The following ALDH1A2 variants were observed in gnomAD, a reference collection of about 807,000 sequenced individuals.
ALDH1A2 encodes retinal dehydrogenase 2.
ALDH1A2 carries 27 observed loss-of-function variants against 60.3 expected under a neutral mutation model. The observed-to-expected ratio is 0.45, with a 90% confidence interval of 0.33 to 0.62. The LOEUF (loss-of-function observed/expected upper bound fraction) is 0.62. Among genes scored for constraint, ALDH1A2 ranks in the 20% least tolerant of loss-of-function variants. ALDH1A2 has a pLI of 0.02. For missense variants in ALDH1A2, 581 were observed against 643.8 expected, an observed-to-expected ratio of 0.90 and a Z score of 1.06; for synonymous variants, 289 against 232.4, an observed-to-expected ratio of 1.24 and a Z score of -2.21.
At chr15:58,059,773 A>T (rs1446854162) in intron 1 of ALDH1A2, among the ~76,000 whole-genome samples, 1 of 152,236 alleles carries the variant, frequency 6.6e-6, no homozygotes, top group African/African-American at 2.4e-5. Flanking sequence ...CCCTCCCAGG[A>T]ATCCCATTTG....
intron 1 of ALDH1A2, among the ~76,000 whole-genome samples, chr15:58,016,776 C>G (rs545808972): frequency 6.6e-6 from 1 of 152,018 alleles, no homozygotes; most frequent in South Asian, 2.1e-4. Context: ...AAAAAAATTA[C>G]GAAATTGCCT....
intron 1 of ALDH1A2, among the ~76,000 whole-genome samples, chr15:58,035,244 G>A (rs1896348436): frequency 6.6e-6 from 1 of 151,656 alleles, no homozygotes. Context: ...AAAGAGTTGT[G>A]TATAATATTT....
intron 2 of ALDH1A2, 65 bp downstream of exon 2, chr15:58,014,112 G>A (rs771086300): frequency 1.2e-6 from 2 of 1,613,846 alleles, no homozygotes; most frequent in African/African-American, 2.7e-5. Flanking sequence ...GAGAGCATAT[G>A]TTTGCTGCTC....
chr15:58,012,182 G>T (rs1209477372), intron 3 of ALDH1A2: 1 of 151,988 alleles, frequency 6.6e-6, no homozygotes, highest in African/African-American at 2.4e-5. Flanking sequence ...AAAAAGAAAG[G>T]CATTTGAGTT....
intron 7 of ALDH1A2, among the ~76,000 whole-genome samples, chr15:57,983,048 A>T (rs762449062): frequency 6.6e-6 from 1 of 152,166 alleles, no homozygotes; most frequent in East Asian, 1.9e-4. Flanking sequence ...TTCACATCCT[A>T]TTAAAGAGAC....
At chr15:58,017,534 T>C (rs1158662565) in intron 1 of ALDH1A2, among the ~76,000 whole-genome samples, 2 of 152,164 alleles carry the variant, frequency 1.3e-5, no homozygotes, top group African/African-American at 2.4e-5. Flanking sequence ...GTGATAATAA[T>C]GCATATGCAG....
At chr15:57,995,207 T>C in intron 4 of ALDH1A2, 68 bp from the exon 5 acceptor site, 3 of 870,602 alleles carry the variant, frequency 3.4e-6, no homozygotes, top group Non-Finnish European at 5.4e-6. Flanking sequence ...AGGGAGAACT[T>C]TGGTGGCTGC....
intron 4 of ALDH1A2, among the ~76,000 whole-genome samples, chr15:57,996,938 G>C (rs571032281): frequency 1.3e-5 from 2 of 151,836 alleles, no homozygotes; most frequent in African/African-American, 4.8e-5. Flanking sequence ...TTTCTATTGG[G>C]TTATTCTTTT....
chr15:58,028,694 G>T (rs1392106160), intron 1 of ALDH1A2, among the ~76,000 whole-genome samples: 1 of 152,106 alleles, frequency 6.6e-6, no homozygotes, highest in African/African-American at 2.4e-5. Context: ...AAAATAAAGG[G>T]ATGGAGGAAT....
At chr15:57,959,135 C>T (rs918019497) in intron 12 of ALDH1A2, among the ~76,000 whole-genome samples, 8 of 152,056 alleles carry the variant, frequency 5.3e-5, no homozygotes, top group African/African-American at 1.4e-4. Context: ...CATCAACCAG[C>T]GATCATTTAT....
At chr15:58,040,270 A>T (rs34905013) in intron 1 of ALDH1A2, among the ~76,000 whole-genome samples, 1 of 152,014 alleles carries the variant, frequency 6.6e-6, no homozygotes, top group East Asian at 1.9e-4. Context: ...CTGAAGAGGC[A>T]GAATTGTTTG....
intron 1 of ALDH1A2, among the ~76,000 whole-genome samples, chr15:58,035,462 G>A (rs1051665990): frequency 2.0e-5 from 3 of 147,456 alleles, no homozygotes; most frequent in African/African-American, 4.9e-5. Context: ...TATAATTTTT[G>A]TTATTTTTTT....
At chr15:58,010,572 C>T in intron 4 of ALDH1A2, 77 bp downstream of exon 4, 1 of 1,579,948 alleles carries the variant, frequency 6.3e-7, no homozygotes, top group Non-Finnish European at 8.7e-7. Flanking sequence ...TGTGTGACTG[C>T]TGTTTGTGTT....
chr15:58,003,553 G>C (rs1307336471), intron 4 of ALDH1A2, among the ~76,000 whole-genome samples: 1 of 151,776 alleles, frequency 6.6e-6, no homozygotes, highest in Non-Finnish European at 1.5e-5. Context: ...TCAGAATTCA[G>C]CTTAAAACAT....
At chr15:58,000,848 C>G (rs1350825588) in intron 4 of ALDH1A2, among the ~76,000 whole-genome samples, 1 of 151,816 alleles carries the variant, frequency 6.6e-6, no homozygotes, top group African/African-American at 2.4e-5. Flanking sequence ...ACAGACCACA[C>G]TCTGAGTAGC....
chr15:58,022,241 T>C (rs568424807), intron 1 of ALDH1A2, among the ~76,000 whole-genome samples: 20 of 152,114 alleles, frequency 1.3e-4, no homozygotes, highest in African/African-American at 2.9e-4. Flanking sequence ...GTCCTGGAGA[T>C]TGCCCAACCC....
intron 1 of ALDH1A2, among the ~76,000 whole-genome samples, chr15:58,061,595 C>CAAAAA (rs879500544): frequency 1.2e-3 from 53 of 43,270 alleles, no homozygotes; most frequent in Non-Finnish European, 1.6e-3. Context: ...CTCCTTCCCT[C>CAAAAA]AAAAAAAAAA....
rs767821847 is a variant in ALDH1A2, at chr15:57,992,959, C to T, written c.670G>A (p.Ala224Thr). The change falls in exon 6 of 13, where the codon GCC becomes ACC. Residue 224 changes from alanine to threonine, a missense_variant. By Grantham distance (58) the Ala-to-Thr change is moderately conservative (BLOSUM62 0). This residue lies in a region of ALDH1A2 where 375 missense variants were observed against 469.7 expected (regional missense o/e 0.80). Coordinates refer to ENST00000249750, the MANE Select transcript of ALDH1A2 (RefSeq NM_003888.4). ...GTTTCTCTTACCTCCTTGATGAGGG[C>T]TCCCATGTAGAGTGCACTGAGTGGT... Reference protein sequence around the residue: ...QTPLSALYMGALIKEAGFPPG... With the variant: ...QTPLSALYMGTLIKEAGFPPG... 6.2e-7 allele frequency: 1 copy of T among 1,614,076 alleles called. No individual in the cohort carries two copies. The highest frequency in any genetic ancestry group is 1.1e-5 in the South Asian group (1 of 91,086).
intron 7 of ALDH1A2, among the ~76,000 whole-genome samples, chr15:57,967,093 C>G (rs1411694735): frequency 6.6e-6 from 1 of 152,100 alleles, no homozygotes; most frequent in Non-Finnish European, 1.5e-5. Flanking sequence ...TGTTGAGATC[C>G]TCCAGTGGGA....
Sources: allele counts gnomAD v4.1 joint callset (sites outside exome capture counted in the v4.1 genomes callset), GRCh38; gene constraint gnomAD v4.1.1; regional missense constraint gnomAD v4.1.1; transcripts MANE v1.5; gene names NCBI Gene and HGNC (gene_info 2026-07-23, HGNC 2026-07-21).